Variants in IQCK observed in about 807,000 individuals in gnomAD.
The protein encoded by IQCK is IQ motif containing K.
In IQCK, 29 loss-of-function variants were observed where a neutral mutation model predicts 28.1. The observed-to-expected ratio is 1.03, with a 90% CI of 0.77 to 1.41. IQCK has a LOEUF of 1.41. Ranked by LOEUF, IQCK falls within the 40% of genes most tolerant of loss-of-function variation. The pLI, the probability that IQCK is intolerant of heterozygous loss-of-function variation, is 0.00. For missense variants in IQCK, 359 were observed against 314.7 expected (o/e 1.14, Z -1.07); for synonymous variants, 113 against 115.1 (o/e 0.98, Z 0.12).
In IQCK at chr16:19,749,015, A is replaced by G. The variant is rs1354277138; in HGVS notation, c.474+13565A>G. 2.0e-5 allele frequency among the ~76,000 whole-genome samples: 3 copies of G among 152,314 alleles called. No individual in the cohort carries two copies. The East Asian group carries it at 5.8e-4, about 29-fold the overall frequency. ...ATGAAAATGAGGTTTTTTTGAAAGAATGTATCTTAAAGTAAATCATTGACT... is the reference window on the plus strand; with the variant it reads ...ATGAAAATGAGGTTTTTTTGAAAGAGTGTATCTTAAAGTAAATCATTGACT... On this transcript the variant is annotated intron_variant, in intron 4 of 7. Transcript: ENST00000564186.
At chr16:19,760,493 G>T (rs562620069) in intron 4 of IQCK, among the ~76,000 whole-genome samples, 1 of 152,252 alleles carries the variant, frequency 6.6e-6, no homozygotes, top group South Asian at 2.1e-4. Flanking sequence ...TTCAGGAGCG[G>T]CTGGGCTTAA....
chr16:19,785,645 A>G (rs1054816151), intron 6 of IQCK, among the ~76,000 whole-genome samples: 3 of 152,118 alleles, frequency 2.0e-5, no homozygotes, highest in African/African-American at 7.2e-5. Flanking sequence ...GCATAACTTT[A>G]TAACTTCACT....
At chr16:19,821,303 A>G (rs553867621) in intron 7 of IQCK, among the ~76,000 whole-genome samples, 6 of 152,370 alleles carry the variant, frequency 3.9e-5, no homozygotes, top group African/African-American at 1.4e-4. Flanking sequence ...AGAATACAAG[A>G]TGATTCAGCC....
exon 10 of IQCK, chr16:19,856,842 A>C: frequency 2.9e-6 from 1 of 340,260 alleles, no homozygotes. Context: ...TAAAATGTAC[A>C]ATGAACTCTA....
chr16:19,764,908 C>T (rs1399149468), intron 6 of IQCK, among the ~76,000 whole-genome samples: 1 of 129,408 alleles, frequency 7.7e-6, no homozygotes, highest in Non-Finnish European at 1.6e-5. Flanking sequence ...ACCGTGTTGG[C>T]CGGGATGGTC....
chr16:19,813,896 A>G (rs1436311826), intron 7 of IQCK, among the ~76,000 whole-genome samples: 1 of 152,162 alleles, frequency 6.6e-6, no homozygotes, highest in East Asian at 1.9e-4. Context: ...TACTCTAAGT[A>G]ATTTATTACA....
rs1053143263 is a variant in IQCK at position 19,841,014 on chromosome 16, T to G, written c.802+13877T>G. Among the ~76,000 whole-genome samples the G allele has an allele frequency of 1.3e-4, 20 of 152,368 alleles. 1 individual carries two copies. In the Middle Eastern group the frequency reaches 0.014, roughly 104 times the overall value. ...CCAGTCCAAGGCTGTTGACACATGG[T>G]GTTCACCCTTAGGATCTAAATTTAG... On this transcript the variant is annotated intron_variant, in intron 9 of 9. Transcript: ENST00000320394.
chr16:19,760,980 G>A (rs2055130715), intron 4 of IQCK: 1 of 170,368 alleles, frequency 5.9e-6, no homozygotes, highest in African/African-American at 2.4e-5. Flanking sequence ...GCTGCTGGGA[G>A]TGTAGCAGTG....
intron 6 of IQCK, among the ~76,000 whole-genome samples, chr16:19,768,529 C>T (rs1345777592): frequency 6.6e-6 from 1 of 152,088 alleles, no homozygotes; most frequent in Non-Finnish European, 1.5e-5. Flanking sequence ...GGCAGATCAC[C>T]TGAAGTCAAG....
At chr16:19,735,117 G>C (rs1490138236) in intron 3 of IQCK, among the ~76,000 whole-genome samples, 1 of 152,148 alleles carries the variant, frequency 6.6e-6, no homozygotes, top group Non-Finnish European at 1.5e-5. Flanking sequence ...CAAGCTGGTG[G>C]ACCTGGCCTT....
chr16:19,848,980 C>G (rs928988837), intron 9 of IQCK, among the ~76,000 whole-genome samples: 4 of 152,218 alleles, frequency 2.6e-5, no homozygotes, highest in South Asian at 2.1e-4. Context: ...ACTGTCACCC[C>G]ACCCTGGATC....
intron 6 of IQCK, among the ~76,000 whole-genome samples, chr16:19,770,092 A>T (rs2055298935): frequency 6.6e-6 from 1 of 152,176 alleles, no homozygotes; most frequent in Non-Finnish European, 1.5e-5. Flanking sequence ...ACATTGGCCT[A>T]AAGCTTACAA....
chr16:19,775,752 C>T (rs918919685), intron 6 of IQCK, among the ~76,000 whole-genome samples: 16 of 150,972 alleles, frequency 1.1e-4, no homozygotes, highest in Non-Finnish European at 1.6e-4. Flanking sequence ...AGGTTCTTAA[C>T]TTTCTCACCT....
chr16:19,733,736 T>C (rs1367253240), exon 3 of IQCK: 7 of 1,614,120 alleles, frequency 4.3e-6, no homozygotes, highest in Non-Finnish European at 5.9e-6. Flanking sequence ...ATGGCTTCAG[T>C]GCAGAGCACT....
intron 9 of IQCK, among the ~76,000 whole-genome samples, chr16:19,835,587 C>CTTT (rs372317479): frequency 0.019 from 2,596 of 138,902 alleles, 97 homozygotes; most frequent in African/African-American, 0.066. Context: ...CTTTTCTTTT[C>CTTT]TTTTTTTTTT....
chr16:19,773,577 A>G (rs900357263), intron 6 of IQCK, among the ~76,000 whole-genome samples: 4 of 152,228 alleles, frequency 2.6e-5, no homozygotes, highest in Non-Finnish European at 4.4e-5. Flanking sequence ...TTTGCAAGCC[A>G]CAGACAGTCT....
At chr16:19,777,685 G>A (rs2055413822) in intron 6 of IQCK, among the ~76,000 whole-genome samples, 1 of 152,062 alleles carries the variant, frequency 6.6e-6, no homozygotes, top group South Asian at 2.1e-4. Flanking sequence ...TTGACATGTG[G>A]GTGGCCCTTT....
intron 6 of IQCK, among the ~76,000 whole-genome samples, chr16:19,779,752 C>G (rs1276235980): frequency 6.6e-6 from 1 of 151,184 alleles, no homozygotes; most frequent in Admixed American, 6.6e-5. Flanking sequence ...GAGTCTCGCT[C>G]TGTCGCCCAG....
At chr16:19,789,557 G>GA (rs1016208659) in intron 7 of IQCK, among the ~76,000 whole-genome samples, 8 of 43,114 alleles carry the variant, frequency 1.9e-4, no homozygotes, top group Admixed American at 1.6e-3. Context: ...TGTCATTTTA[G>GA]AAAAAAAAAC....
Sources: gnomAD v4.1 joint callset for allele counts (sites outside exome capture counted in the v4.1 genomes callset) on GRCh38, gnomAD v4.1.1 for gene constraint, MANE v1.5 for transcripts, NCBI Gene and HGNC (gene_info 2026-07-23, HGNC 2026-07-21) for gene names.